Variants in PKHD1 observed in about 807,000 individuals in gnomAD.
PKHD1 encodes the protein fibrocystin.
PKHD1 carries 291 observed loss-of-function variants against 412.0 expected under a neutral mutation model. That is an observed-to-expected ratio of 0.71 (90% CI 0.64 to 0.78). The LOEUF is 0.78. PKHD1 is among the 30% of genes least tolerant of loss of function. The probability of loss-of-function intolerance (pLI) is 0.00; values close to 1 mark genes in which losing one functional copy is unlikely to be tolerated. For synonymous variants in PKHD1, 1,777 were observed against 1,821.5 expected (o/e 0.98, Z 0.62); for missense variants, 4,825 against 4,950.7 (o/e 0.97, Z 0.76).
chr6:51,673,201 T>C (rs1775278833), intron 60 of PKHD1, among the ~76,000 whole-genome samples: 2 of 152,224 alleles, frequency 1.3e-5, no homozygotes, highest in African/African-American at 4.8e-5. Context: ...ACTTGATTAA[T>C]AACTGTCAGC....
At chr6:52,043,796 A>G in intron 25 of PKHD1, 66 bp from the exon 26 acceptor site, 1 of 1,092,182 alleles carries the variant, frequency 9.2e-7, no homozygotes, top group African/African-American at 1.5e-5. Context: ...TTCATAAAGT[A>G]TATGTGAAGT....
rs375355334 is a variant in PKHD1 at position 51,899,130 on chromosome 6, C to T, written c.6996+4467G>A. Among the ~76,000 whole-genome samples, 376 of 151,884 alleles carry T rather than the reference C, an allele frequency of 2.5e-3. 3 individuals carry two copies. Among genetic ancestry groups the T allele is most frequent in the African/African-American group, 8.1e-3 (337 of 41,486 alleles). ...CATTCCTTCTGAAACTATTCCAATCCATAGAAAAAGAGGGAATCCTCCCTA... is the reference window on the plus strand; with the variant it reads ...CATTCCTTCTGAAACTATTCCAATCTATAGAAAAAGAGGGAATCCTCCCTA... On this transcript the variant is annotated intron_variant, in intron 43 of 66. Transcript: ENST00000371117.
chr6:51,881,721 A>G (rs1294676236), intron 46 of PKHD1, among the ~76,000 whole-genome samples: 1 of 152,152 alleles, frequency 6.6e-6, no homozygotes, highest in African/African-American at 2.4e-5. Flanking sequence ...CCAAGCCTCC[A>G]TTTTCCCCTA....
chr6:51,912,242 T>G, intron 38 of PKHD1, 124 bp downstream of exon 38: 1 of 763,708 alleles, frequency 1.3e-6, no homozygotes, highest in Non-Finnish European at 2.3e-6. Context: ...CTTGTCAAAA[T>G]GTCTACCATT....
At chr6:51,992,385 T>G (rs1055860519) in intron 35 of PKHD1, among the ~76,000 whole-genome samples, 1 of 152,236 alleles carries the variant, frequency 6.6e-6, no homozygotes, top group Non-Finnish European at 1.5e-5. Context: ...TTGTTTCATT[T>G]TAATGTTTGA....
chr6:51,767,651 A>C (rs1789335658), intron 55 of PKHD1, among the ~76,000 whole-genome samples: 1 of 152,038 alleles, frequency 6.6e-6, no homozygotes, highest in Non-Finnish European at 1.5e-5. Context: ...TGAACTCATC[A>C]TTTTTTATGG....
At chr6:51,735,303 T>C (rs1783698299) in intron 60 of PKHD1, among the ~76,000 whole-genome samples, 1 of 152,178 alleles carries the variant, frequency 6.6e-6, no homozygotes, top group South Asian at 2.1e-4. Flanking sequence ...ATTAGTTAAC[T>C]TCTCCAAACC....
intron 55 of PKHD1, among the ~76,000 whole-genome samples, chr6:51,771,035 C>T (rs1226696470): frequency 6.6e-6 from 1 of 152,068 alleles, no homozygotes; most frequent in Non-Finnish European, 1.5e-5. Context: ...CAAACCAGTT[C>T]TTCCGTACTT....
chr6:51,748,194 C>T lies in PKHD1; in HGVS notation c.9422G>A (p.Cys3141Tyr). Residue 3141 changes from cysteine to tyrosine, a missense_variant, in exon 58 of 67, where the codon TGT becomes TAT. Cys to Tyr is a radical substitution (Grantham distance 194). Transcript: ENST00000371117. The part of the protein sequence containing the change: ...HLYKESGLDN[C>Y]TRISGFLAFK... ...AGCCAAGAAGCCAGAGATTCTGGTACAGTTGTCAAGTCCACTTTCCTTATA... is the reference window on the plus strand; with the variant it reads ...AGCCAAGAAGCCAGAGATTCTGGTATAGTTGTCAAGTCCACTTTCCTTATA... 1 of 1,614,040 alleles carries T rather than the reference C, an allele frequency of 6.2e-7. No homozygotes were observed. Among genetic ancestry groups the T allele is most frequent in the Non-Finnish European group, 8.5e-7 (1 of 1,179,962 alleles).
At chr6:51,835,091 A>G (rs374736658) in intron 51 of PKHD1, among the ~76,000 whole-genome samples, 1 of 152,212 alleles carries the variant, frequency 6.6e-6, no homozygotes, top group African/African-American at 2.4e-5. Flanking sequence ...AGCAGTTGTA[A>G]TTGACAGTTG....
chr6:51,817,073 T>TC (rs35624299), intron 52 of PKHD1, among the ~76,000 whole-genome samples: 77,511 of 151,874 alleles, frequency 0.51, 20,202 homozygotes, highest in Middle Eastern at 0.63. Context: ...TCATGGGGCT[T>TC]CCAGGATAGC....
chr6:51,621,280 C>T (rs1309056470), intron 66 of PKHD1, among the ~76,000 whole-genome samples: 1 of 152,174 alleles, frequency 6.6e-6, no homozygotes, highest in Non-Finnish European at 1.5e-5. Flanking sequence ...AGCTGGGCAT[C>T]ATCTCCATAA....
intron 52 of PKHD1, among the ~76,000 whole-genome samples, chr6:51,793,614 T>C (rs1241492922): frequency 6.6e-6 from 1 of 152,200 alleles, no homozygotes; most frequent in African/African-American, 2.4e-5. Flanking sequence ...GAACACGTGG[T>C]ATTTTGTTTT....
intron 60 of PKHD1, among the ~76,000 whole-genome samples, chr6:51,705,435 G>A (rs1475711759): frequency 6.6e-6 from 1 of 152,118 alleles, no homozygotes; most frequent in Admixed American, 6.6e-5. Flanking sequence ...ACCTCTTTAA[G>A]AAATTTGACT....
rs1805602018 is a variant in PKHD1 at position 52,045,233 on chromosome 6, T to C, written c.2593-145A>G. The C allele has an allele frequency of 5.0e-6, 4 of 802,250 alleles. No homozygotes were observed. In the Admixed American group the frequency reaches 6.1e-5, roughly 12 times the overall value. 49.7% of individuals were successfully genotyped at this position (802,250 alleles called of 1,614,324 possible). ...AGCAGAGTAACAGAGAATTGAAATA[T>C]AGAAACGTAACAGTAAATAATGGCT... On this transcript the variant is annotated intron_variant, in intron 24 of 66. Transcript: ENST00000371117.
intron 51 of PKHD1, 34 bp from the exon 52 acceptor site, chr6:51,831,023 C>T (rs1003020766): frequency 6.4e-7 from 1 of 1,568,022 alleles, no homozygotes; most frequent in African/African-American, 1.4e-5. Flanking sequence ...AAAATCTAAT[C>T]CATTGTGATA....
At chr6:51,923,175 A>T (rs1784975110) in intron 37 of PKHD1, among the ~76,000 whole-genome samples, 1 of 152,222 alleles carries the variant, frequency 6.6e-6, no homozygotes, top group African/African-American at 2.4e-5. Context: ...TGGTTGAATA[A>T]ATAGTGCTGT....
intron 19 of PKHD1, among the ~76,000 whole-genome samples, chr6:52,055,250 G>A (rs1306534508): frequency 6.6e-6 from 1 of 152,178 alleles, no homozygotes; most frequent in African/African-American, 2.4e-5. Context: ...AGACAGACAT[G>A]GAAGGTACAT....
intron 60 of PKHD1, among the ~76,000 whole-genome samples, chr6:51,710,848 C>G (rs1472174516): frequency 6.6e-6 from 1 of 152,174 alleles, no homozygotes; most frequent in Non-Finnish European, 1.5e-5. Context: ...TAGAGATACA[C>G]AGCTAGTATG....
Sources: allele counts gnomAD v4.1 joint callset (sites outside exome capture counted in the v4.1 genomes callset), GRCh38; gene constraint gnomAD v4.1.1; transcripts MANE v1.5; gene names NCBI Gene and HGNC (gene_info 2026-07-23, HGNC 2026-07-21).